The following DECR1 variants were observed in gnomAD, a reference collection of about 807,000 sequenced individuals.
The protein encoded by DECR1 is 2,4-dienoyl-CoA reductase [(3E)-enoyl-CoA-producing], mitochondrial.
In DECR1, 44 loss-of-function variants were observed where a neutral mutation model predicts 38.8. That is an observed-to-expected ratio of 1.13 (90% CI 0.89 to 1.46). DECR1 has a LOEUF of 1.46. Among genes scored for constraint, DECR1 ranks in the 40% most tolerant of loss-of-function variants. DECR1 has a pLI of 0.00. For missense variants in DECR1, 428 were observed against 405.5 expected (o/e 1.06, Z -0.48); for synonymous variants, 148 against 135.2 (o/e 1.09, Z -0.66).
chr8:90,051,761 T>C, intron 9 of DECR1, 22 bp downstream of exon 9: 2 of 1,612,884 alleles, frequency 1.2e-6, no homozygotes, highest in Non-Finnish European at 1.7e-6. Context: ...GTGTGTATAA[T>C]GTAATATCAG....
intron 6 of DECR1, chr8:90,042,398 T>C (rs1240660636): frequency 4.6e-6 from 1 of 217,910 alleles, no homozygotes; most frequent in East Asian, 1.0e-4. Context: ...TGGACAAAAG[T>C]ATATATTCTA....
rs576086467 is a variant in DECR1 at position 90,032,260 on chromosome 8, T to C, written c.566-4581T>C. ...TTACTGTCAGCTTAGGGCCACCCTATCTCCTAGGGACCTCTCTCTGATCCT... is the reference window on the plus strand; with the variant it reads ...TTACTGTCAGCTTAGGGCCACCCTACCTCCTAGGGACCTCTCTCTGATCCT... On this transcript the variant is annotated intron_variant, in intron 5 of 9. Coordinates refer to ENST00000220764, the MANE Select transcript of DECR1 (RefSeq NM_001359.2). Among the ~76,000 whole-genome samples the C allele has an allele frequency of 5.9e-5, 9 of 152,218 alleles. 1 individual carries two copies. In the Middle Eastern group the frequency reaches 0.027, roughly 460 times the overall value.
intron 3 of DECR1, 47 bp downstream of exon 3, chr8:90,019,013 T>C (rs774909417): frequency 4.4e-6 from 7 of 1,577,806 alleles, no homozygotes; most frequent in South Asian, 2.2e-5. Flanking sequence ...AATTATAACA[T>C]GTTCAAATAA....
chr8:90,029,905 C>G (rs1311599655), intron 5 of DECR1, among the ~76,000 whole-genome samples: 1 of 152,080 alleles, frequency 6.6e-6, no homozygotes, highest in Non-Finnish European at 1.5e-5. Context: ...CCATTCCCAG[C>G]TCTAGTCCAC....
chr8:90,030,760 T>C (rs1337535611), intron 5 of DECR1, among the ~76,000 whole-genome samples: 1 of 152,184 alleles, frequency 6.6e-6, no homozygotes, highest in Non-Finnish European at 1.5e-5. Flanking sequence ...TTCTTTATAT[T>C]GTGTCCAGAG....
intron 5 of DECR1, among the ~76,000 whole-genome samples, chr8:90,033,023 T>G (rs1211564191): frequency 6.6e-6 from 1 of 152,110 alleles, no homozygotes; most frequent in African/African-American, 2.4e-5. Flanking sequence ...AAATCTAGGG[T>G]CCAGAGCAGG....
At chr8:90,022,151 C>T (rs1813180032) in intron 5 of DECR1, among the ~76,000 whole-genome samples, 2 of 152,086 alleles carry the variant, frequency 1.3e-5, no homozygotes, top group Admixed American at 6.6e-5. Flanking sequence ...AATGAGGAAG[C>T]GTTCTCATGC....
At chr8:90,017,728 A>G (rs1002460000) in intron 2 of DECR1, among the ~76,000 whole-genome samples, 6 of 152,180 alleles carry the variant, frequency 3.9e-5, no homozygotes, top group Non-Finnish European at 4.4e-5. Context: ...ATTTGAGACC[A>G]GCTGGGCAAC....
chr8:90,020,786 A>G, intron 4 of DECR1, 123 bp from the exon 5 acceptor site: 1 of 666,256 alleles, frequency 1.5e-6, no homozygotes, highest in Non-Finnish European at 2.3e-6. Context: ...ATTGTTTCGT[A>G]GGTAGCTGTG....
intron 1 of DECR1, among the ~76,000 whole-genome samples, chr8:90,010,724 AC>A (rs1812863354): frequency 6.6e-6 from 1 of 152,242 alleles, no homozygotes; most frequent in Non-Finnish European, 1.5e-5. Context: ...ACCAACAGAT[AC>A]GTAGAAGCTC....
chr8:90,011,332 G>C (rs761270132), intron 1 of DECR1, among the ~76,000 whole-genome samples: 3 of 152,116 alleles, frequency 2.0e-5, no homozygotes, highest in Non-Finnish European at 4.4e-5. Context: ...ATATAGATGT[G>C]CTCTAATTCA....
chr8:90,018,131 A>G (rs200854874), intron 2 of DECR1, among the ~76,000 whole-genome samples: 1 of 152,056 alleles, frequency 6.6e-6, no homozygotes, highest in Non-Finnish European at 1.5e-5. Flanking sequence ...CAGGTGATCC[A>G]CCCGCCTTGG....
intron 1 of DECR1, among the ~76,000 whole-genome samples, chr8:90,002,814 A>G (rs180734687): frequency 6.3e-4 from 96 of 152,230 alleles, no homozygotes; most frequent in African/African-American, 1.8e-3. Flanking sequence ...TGGGTTATAG[A>G]TCATTATAAA....
chr8:90,013,402 T>C (rs1005138258), intron 1 of DECR1, among the ~76,000 whole-genome samples: 11 of 136,192 alleles, frequency 8.1e-5, no homozygotes, highest in Non-Finnish European at 1.5e-4. Context: ...TTCTTTCGTT[T>C]TTTTTTTTTT....
At chr8:90,024,081 T>C (rs1029958223) in intron 5 of DECR1, among the ~76,000 whole-genome samples, 2 of 152,206 alleles carry the variant, frequency 1.3e-5, no homozygotes, top group African/African-American at 4.8e-5. Context: ...TATTCCATGG[T>C]GTATATGTGC....
At chr8:90,032,313 C>A (rs1474432170) in intron 5 of DECR1, among the ~76,000 whole-genome samples, 3 of 152,126 alleles carry the variant, frequency 2.0e-5, no homozygotes, top group African/African-American at 4.8e-5. Context: ...ATCTCAGAGC[C>A]AGCAATACCA....
intron 1 of DECR1, among the ~76,000 whole-genome samples, chr8:90,004,007 T>C (rs577744948): frequency 1.1e-4 from 17 of 152,288 alleles, no homozygotes; most frequent in African/African-American, 3.6e-4. Context: ...GGTTGTTCAT[T>C]TTGTGAAACT....
At chr8:90,026,634 C>T (rs1813350044) in intron 5 of DECR1, among the ~76,000 whole-genome samples, 1 of 152,090 alleles carries the variant, frequency 6.6e-6, no homozygotes, top group African/African-American at 2.4e-5. Flanking sequence ...ATTACTCTTG[C>T]TGGCAGTCTA....
rs1230528123 is a variant in DECR1, at chr8:90,029,823, A to G, written c.566-7018A>G. ...AGCACCCTCAGCCTGTCCAGTCTCT[A>G]TACTAGCCCGTTTGACTGATCCAGT... On this transcript the variant is annotated intron_variant, in intron 5 of 9. Coordinates refer to ENST00000220764, the MANE Select transcript of DECR1 (RefSeq NM_001359.2). 1.3e-4 allele frequency among the ~76,000 whole-genome samples: 20 copies of G among 152,130 alleles called. No individual in the cohort carries two copies. In the East Asian group the frequency reaches 3.7e-3, roughly 28 times the overall value.
Sources: gnomAD v4.1 joint callset for allele counts (sites outside exome capture counted in the v4.1 genomes callset) on GRCh38, gnomAD v4.1.1 for gene constraint, MANE v1.5 for transcripts, NCBI Gene and HGNC (gene_info 2026-07-23, HGNC 2026-07-21) for gene names.